Variants in C2CD3 observed in about 807,000 individuals in gnomAD.
The protein encoded by C2CD3 is C2 domain containing 3 centriole elongation regulator.
A neutral mutation model predicts 234.0 loss-of-function variants in C2CD3; 148 were observed. The ratio of observed to expected loss-of-function variants is 0.63; its 90% CI spans 0.55 to 0.72. The LOEUF (loss-of-function observed/expected upper bound fraction) is 0.72, where lower values mean the gene tolerates loss of function less well. Ranked by LOEUF, C2CD3 falls within the 30% of genes least tolerant of loss-of-function variation. The pLI, the probability that C2CD3 is intolerant of heterozygous loss-of-function variation, is 0.00. For missense variants in C2CD3, 2,577 were observed against 2,811.5 expected (o/e 0.92, Z 1.89); for synonymous variants, 1,000 against 1,035.4 (o/e 0.97, Z 0.66).
intron 31 of C2CD3, among the ~76,000 whole-genome samples, 188 bp downstream of exon 31, chr11:74,033,163 C>G (rs1452620607): frequency 6.6e-6 from 1 of 152,164 alleles, no homozygotes; most frequent in Non-Finnish European, 1.5e-5. Context: ...CAGTTCAAGG[C>G]ATTATGTTTC....
At position 74,170,978 on chromosome 11, in the gene C2CD3, A is replaced by T; in HGVS notation, c.-186T>A. The T allele has an allele frequency of 2.2e-6, 3 of 1,356,426 alleles. No homozygotes were observed. The highest frequency in any genetic ancestry group is 1.3e-5 in the South Asian group (1 of 75,434). The allele number at this position is 1,356,426 out of a possible 1,614,324, so 84.0% of individuals were successfully genotyped here. ...AAAACGGTGCGAAGAGAAGGCGCCAAGACGCCTTCCCTCCAATACACTACA... is the reference window on the plus strand; with the variant it reads ...AAAACGGTGCGAAGAGAAGGCGCCATGACGCCTTCCCTCCAATACACTACA... On this transcript the variant is annotated 5_prime_UTR_variant, in exon 1 of 33. In the 5' UTR this introduces an upstream ATG that the reference lacks. Transcript: ENST00000334126.
At chr11:74,075,850 G>A (rs1955011583) in intron 23 of C2CD3, among the ~76,000 whole-genome samples, 1 of 152,182 alleles carries the variant, frequency 6.6e-6, no homozygotes, top group African/African-American at 2.4e-5. Flanking sequence ...TGGATGGATG[G>A]CTTGACGCAT....
Position 74,113,801 on chromosome 11 carries a change from A to T in C2CD3, c.1822T>A (p.Ser608Thr), listed in dbSNP as rs759605664. ...TTACTTCCATCTGTAATTTTACTGG[A>T]GGCGAGTCGAACAACCTCAGTGATC... ...ALITEVVRLA[S>T]SKITDGKVKF... Residue 608 changes from serine to threonine, a missense_variant, in exon 11 of 33, where the codon TCC (serine) becomes ACC (threonine). By Grantham distance (58) the Ser-to-Thr change is moderately conservative. Coordinates refer to ENST00000334126, the MANE Select transcript of C2CD3 (RefSeq NM_001286577.2). 7 of 1,609,036 alleles carry T rather than the reference A, an allele frequency of 4.4e-6. No individual in the cohort carries two copies. In the African/African-American group the frequency reaches 9.4e-5, roughly 22 times the overall value.
intron 31 of C2CD3, among the ~76,000 whole-genome samples, chr11:74,030,325 T>G (rs112157037): frequency 2.0e-4 from 30 of 152,324 alleles, no homozygotes; most frequent in African/African-American, 7.0e-4. Flanking sequence ...TCAGCTATTC[T>G]TATCTCCTCA....
intron 30 of C2CD3, 130 bp downstream of exon 30, chr11:74,037,348 A>T: frequency 2.6e-6 from 2 of 761,708 alleles, no homozygotes; most frequent in East Asian, 2.5e-5. Flanking sequence ...AAAAAAAAAA[A>T]AAAGGAAGAG....
chr11:74,143,044 C>T (rs1296956508), intron 3 of C2CD3, among the ~76,000 whole-genome samples: 1 of 152,166 alleles, frequency 6.6e-6, no homozygotes, highest in Non-Finnish European at 1.5e-5. Context: ...TTAACTTTTG[C>T]CTTTTTGGTG....
intron 32 of C2CD3, among the ~76,000 whole-genome samples, chr11:74,015,410 G>A (rs1407461149): frequency 6.6e-6 from 1 of 152,202 alleles, no homozygotes. Flanking sequence ...CTTTAAGCTT[G>A]TGTATATCTT....
At chr11:74,057,648 G>A (rs1954020206) in intron 24 of C2CD3, 104 bp from the exon 25 acceptor site, 2 of 1,198,972 alleles carry the variant, frequency 1.7e-6, no homozygotes, top group Non-Finnish European at 2.4e-6. Context: ...TTCCTATGGG[G>A]TCTTTGCTCA....
At chr11:74,057,356 G>A in intron 25 of C2CD3, 50 bp downstream of exon 25, 1 of 1,605,412 alleles carries the variant, frequency 6.2e-7, no homozygotes, top group Non-Finnish European at 8.5e-7. Context: ...TTTGTGTCTT[G>A]GAACAAAAAG....
chr11:74,077,771 GTATATATATATATATATATATATA>G (rs553597652), intron 23 of C2CD3, among the ~76,000 whole-genome samples: 6 of 69,204 alleles, frequency 8.7e-5, no homozygotes, highest in South Asian at 6.2e-4. Context: ...AGAACTTACA[GTATATATATATATATATATATATA>G]TATATATATA....
At chr11:74,046,339 C>T (rs573601819) in intron 28 of C2CD3, among the ~76,000 whole-genome samples, 1 of 152,242 alleles carries the variant, frequency 6.6e-6, no homozygotes, top group South Asian at 2.1e-4. Context: ...GAATCATATA[C>T]AAGGTACTTT....
intron 1 of C2CD3, 73 bp from the exon 2 acceptor site, chr11:74,168,686 T>C: frequency 7.2e-7 from 1 of 1,382,594 alleles, no homozygotes; most frequent in African/African-American, 1.4e-5. Flanking sequence ...GCTTTTTGAA[T>C]GAAAACAAAC....
At position 74,047,241 on chromosome 11, in the gene C2CD3, A is replaced by T. The variant is rs564727299; in HGVS notation, c.5495+964T>A. On this transcript the variant is annotated intron_variant, in intron 28 of 32. Coordinates refer to ENST00000334126, the MANE Select transcript of C2CD3 (RefSeq NM_001286577.2). ...AGCCTAGCCTTAAATGGCTGTCTGT[A>T]TATAATATGACACTTCGATGTGGCC... is the stretch of plus-strand genomic sequence containing the variant. Among the ~76,000 whole-genome samples, 4 of 152,334 alleles carry T rather than the reference A, an allele frequency of 2.6e-5. No individual in the cohort carries two copies. In the South Asian group the frequency reaches 8.3e-4, roughly 32 times the overall value.
At chr11:74,115,262 A>T (rs1304066085) in intron 9 of C2CD3, among the ~76,000 whole-genome samples, 1 of 151,864 alleles carries the variant, frequency 6.6e-6, no homozygotes, top group Non-Finnish European at 1.5e-5. Context: ...ATACACACAC[A>T]ACATATATAC....
rs765381918 is a variant in C2CD3 at position 74,114,451 on chromosome 11, G to T, written c.1663C>A (p.Pro555Thr). 2 of 1,613,920 alleles carry T rather than the reference G, an allele frequency of 1.2e-6. No individual in the cohort carries two copies. Among genetic ancestry groups the T allele is most frequent in the Admixed American group, 3.3e-5 (2 of 59,980 alleles). Residue 555 changes from proline (P) to threonine (T), a missense_variant, in exon 10 of 33, where the codon CCT (proline) becomes ACT (threonine). Pro to Thr is a conservative substitution (Grantham distance 38, BLOSUM62 -1). Transcript: ENST00000334126. ...CTTTTTTTGCCAGGGGTCATCTGAG[G>T]ACTATCTGGAGGAACTCCCATGGTT... ...IETMGVPPDS[P>T]QMTPGKKSYA...
At position 74,168,491 on chromosome 11, in the gene C2CD3, G is replaced by C; in HGVS notation, c.178C>G (p.Leu60Val). 3 of 1,614,178 alleles carry C rather than the reference G, an allele frequency of 1.9e-6. No individual in the cohort carries two copies. The highest frequency in any genetic ancestry group is 2.5e-6 in the Non-Finnish European group (3 of 1,180,010). ...TCTCCCCACCATCTCACTCGGACAA[G>C]TACACAAGTGGGAGGCTTTGCAATC... ...WKIAKPPTCV[L>V]VRVRWWGETS... Residue 60 changes from leucine (L) to valine (V), a missense_variant, in exon 2 of 33, where the codon CTT (leucine) becomes GTT (valine). By Grantham distance (32) the Leu-to-Val change is conservative. Transcript: ENST00000334126.
intron 32 of C2CD3, among the ~76,000 whole-genome samples, chr11:74,026,173 T>G (rs548924481): frequency 6.6e-6 from 1 of 152,248 alleles, no homozygotes; most frequent in Non-Finnish European, 1.5e-5. Context: ...CTGGTTGTGG[T>G]GGTGCACACC....
At chr11:74,042,475 G>A (rs996823058) in intron 28 of C2CD3, among the ~76,000 whole-genome samples, 2 of 152,028 alleles carry the variant, frequency 1.3e-5, no homozygotes, top group Non-Finnish European at 2.9e-5. Context: ...AAATCTGGCC[G>A]GGGGTGGTGA....
At chr11:74,094,293 C>A (rs1345403660) in intron 17 of C2CD3, among the ~76,000 whole-genome samples, 4 of 150,656 alleles carry the variant, frequency 2.7e-5, no homozygotes, top group Non-Finnish European at 5.9e-5. Flanking sequence ...AGTAATGATG[C>A]TCAGTATTTT....
Sources: gnomAD v4.1 joint callset for allele counts (sites outside exome capture counted in the v4.1 genomes callset) on GRCh38, gnomAD v4.1.1 for gene constraint, MANE v1.5 for transcripts, NCBI Gene and HGNC (gene_info 2026-07-23, HGNC 2026-07-21) for gene names.